The following CDH8 variants were observed in gnomAD, a reference collection of about 807,000 sequenced individuals.
The protein encoded by CDH8 is cadherin 8, also known as cadherin-8.
Under a neutral mutation model 68.1 loss-of-function variants are expected in CDH8, and 17 were observed. The ratio of observed to expected loss-of-function variants is 0.25; its 90% confidence interval spans 0.17 to 0.37. The LOEUF is 0.37. CDH8 is among the 10% of genes least tolerant of loss of function. CDH8 has a pLI of 1.00. For missense variants in CDH8, 763 were observed against 999.3 expected, an observed-to-expected ratio of 0.76 and a Z score of 3.19; for synonymous variants, 372 against 365.1, an observed-to-expected ratio of 1.02 and a Z score of -0.21.
chr16:61,829,797 T>G (rs1312849918), intron 4 of CDH8, among the ~76,000 whole-genome samples: 2 of 151,816 alleles, frequency 1.3e-5, no homozygotes, highest in Non-Finnish European at 2.9e-5. Flanking sequence ...GCTCTTGCTT[T>G]CCCGAGTCCA....
At chr16:62,014,238 G>T (rs1388073250) in intron 2 of CDH8, among the ~76,000 whole-genome samples, 4 of 152,124 alleles carry the variant, frequency 2.6e-5, no homozygotes, top group Non-Finnish European at 5.9e-5. Flanking sequence ...GCTAATTTCT[G>T]CTAATTTAAA....
intron 2 of CDH8, among the ~76,000 whole-genome samples, chr16:62,000,035 C>T (rs1380553311): frequency 4.6e-5 from 7 of 151,792 alleles, no homozygotes. Context: ...TTGTTCAACT[C>T]CCACTTATAA....
intron 7 of CDH8, among the ~76,000 whole-genome samples, chr16:61,800,756 C>G (rs1422672523): frequency 1.3e-5 from 2 of 152,174 alleles, no homozygotes; most frequent in African/African-American, 4.8e-5. Context: ...CCATTTCCAC[C>G]GTGCTCTCTT....
At position 61,953,237 on chromosome 16, in the gene CDH8, G is replaced by C. The variant is rs556765441; in HGVS notation, c.253-51764C>G. 3.9e-5 allele frequency among the ~76,000 whole-genome samples: 6 copies of C among 152,242 alleles called. No individual in the cohort carries two copies. The East Asian group carries it at 1.2e-3, about 30-fold the overall frequency. ...CCTGAACTGAATGGACTAAGACAGA[G>C]CTCAAGGGTAGAGGAATAAAGAGAA... On this transcript the variant is annotated intron_variant, in intron 2 of 11. Transcript: ENST00000577390.
chr16:61,923,547 AT>A (rs1160494086), intron 2 of CDH8, among the ~76,000 whole-genome samples: 1 of 151,972 alleles, frequency 6.6e-6, no homozygotes, highest in Admixed American at 6.6e-5. Flanking sequence ...TTTAATGAAT[AT>A]TTTAGATATG....
chr16:61,993,907 G>A (rs1198118358), intron 2 of CDH8, among the ~76,000 whole-genome samples: 1 of 152,084 alleles, frequency 6.6e-6, no homozygotes, highest in Admixed American at 6.6e-5. Flanking sequence ...TAGCTGCATA[G>A]TATTTTAAAT....
Position 61,652,417 on chromosome 16 carries a change from A to G in CDH8, c.*1191T>C, listed in dbSNP as rs1963341257. On this transcript the variant is annotated 3_prime_UTR_variant, in exon 12 of 12. Transcript: ENST00000577390. ...TTTAAATATTCACAGGAATCAATAT[A>G]CTTTAGGATGTTTGTGCTTGTAGTA... The G allele has an allele frequency of 1.0e-6, 1 of 985,252 alleles. No individual in the cohort carries two copies. The highest frequency in any genetic ancestry group is 1.2e-6 in the Non-Finnish European group (1 of 829,710). The allele number at this position is 985,252 out of a possible 1,614,324, so 61.0% of individuals were successfully genotyped here.
chr16:61,858,442 T>G (rs1963089712), intron 3 of CDH8, among the ~76,000 whole-genome samples: 1 of 152,204 alleles, frequency 6.6e-6, no homozygotes, highest in South Asian at 2.1e-4. Flanking sequence ...AATCACATGC[T>G]GTGAGGTCAG....
chr16:61,653,280 A>G lies in CDH8; in HGVS notation c.*328T>C. 1 of 1,170,748 alleles carries G rather than the reference A, an allele frequency of 8.5e-7. No individual in the cohort carries two copies. The highest frequency in any genetic ancestry group is 1.1e-6 in the Non-Finnish European group (1 of 951,750). The allele number at this position is 1,170,748 out of a possible 1,614,324, so 72.5% of individuals were successfully genotyped here. The stretch of plus-strand genomic sequence containing the variant: ...TTTTCTAAGAAAGCACCTTTTAATT[A>G]TGATTTTTTCCTCTATTTAAACCAT... On this transcript the variant is annotated 3_prime_UTR_variant, in exon 12 of 12. Coordinates refer to ENST00000577390, the MANE Select transcript of CDH8 (RefSeq NM_001796.5).
chr16:61,832,862 T>C (rs1254998686), intron 4 of CDH8, among the ~76,000 whole-genome samples: 1 of 151,798 alleles, frequency 6.6e-6, no homozygotes, highest in Non-Finnish European at 1.5e-5. Context: ...CTGTGTTATA[T>C]GGTGCATATA....
At chr16:61,864,059 T>G (rs2077736726) in intron 3 of CDH8, among the ~76,000 whole-genome samples, 2 of 152,198 alleles carry the variant, frequency 1.3e-5, no homozygotes, top group Admixed American at 6.5e-5. Flanking sequence ...CAACCTTTTT[T>G]GGGTTGTTGT....
chr16:61,736,112 A>AAAGAAAGAAAGGAAGGAAGGAAGGAAGG (rs776989465), intron 8 of CDH8, among the ~76,000 whole-genome samples: 1 of 116,464 alleles, frequency 8.6e-6, no homozygotes, highest in African/African-American at 3.7e-5. Flanking sequence ...AGAAAGAAAG[A>AAAGAAAGAAAGGAAGGAAGGAAGGAAGG]AAGGAAGGAA....
intron 3 of CDH8, among the ~76,000 whole-genome samples, chr16:61,879,719 A>G (rs551434155): frequency 1.3e-5 from 2 of 152,144 alleles, no homozygotes; most frequent in East Asian, 3.9e-4. Context: ...CCTTTCATCT[A>G]CTACATATTT....
intron 8 of CDH8, among the ~76,000 whole-genome samples, chr16:61,746,666 A>G (rs971210472): frequency 2.0e-5 from 3 of 151,916 alleles, no homozygotes; most frequent in African/African-American, 7.2e-5. Flanking sequence ...TTGTTTAGCA[A>G]CAGACAAAAT....
chr16:61,751,591 GA>G (rs1960167110), intron 8 of CDH8, among the ~76,000 whole-genome samples: 1 of 151,950 alleles, frequency 6.6e-6, no homozygotes, highest in Non-Finnish European at 1.5e-5. Context: ...ATTAAAACAT[GA>G]AAAAGTTGGT....
chr16:61,842,477 C>A (rs1433257747), intron 4 of CDH8, among the ~76,000 whole-genome samples: 3 of 152,056 alleles, frequency 2.0e-5, no homozygotes, highest in Non-Finnish European at 4.4e-5. Context: ...GATGCTGCCA[C>A]CTAGATCTTG....
At chr16:61,676,685 A>G (rs1963918687) in intron 10 of CDH8, among the ~76,000 whole-genome samples, 1 of 152,094 alleles carries the variant, frequency 6.6e-6, no homozygotes, top group Non-Finnish European at 1.5e-5. Flanking sequence ...TATTTTTCCA[A>G]AACATCAGCA....
intron 10 of CDH8, among the ~76,000 whole-genome samples, chr16:61,705,374 G>T (rs1964507158): frequency 6.6e-6 from 1 of 152,126 alleles, no homozygotes; most frequent in South Asian, 2.1e-4. Flanking sequence ...AATGCAACTT[G>T]TATGAAAAGT....
intron 2 of CDH8, among the ~76,000 whole-genome samples, chr16:61,994,049 C>A (rs1160376384): frequency 1.3e-5 from 2 of 152,142 alleles, no homozygotes; most frequent in Non-Finnish European, 2.9e-5. Context: ...CCTAAGAATA[C>A]CACGCAAAAT....
Sources: allele counts gnomAD v4.1 joint callset (sites outside exome capture counted in the v4.1 genomes callset), GRCh38; gene constraint gnomAD v4.1.1; transcripts MANE v1.5; gene names NCBI Gene and HGNC (gene_info 2026-07-23, HGNC 2026-07-21).